The following GHR variants were observed in gnomAD, a reference collection of about 807,000 sequenced individuals.
GHR encodes the protein growth hormone receptor.
In GHR, 35 loss-of-function variants were observed where a neutral mutation model predicts 67.1. That is an observed-to-expected ratio of 0.52 (90% confidence interval 0.40 to 0.69). The LOEUF is 0.69. Among genes scored for constraint, GHR ranks in the 30% least tolerant of loss-of-function variants. GHR has a pLI of 0.00. For missense variants in GHR, 792 were observed against 764.6 expected (o/e 1.04, Z -0.42); for synonymous variants, 272 against 269.1 (o/e 1.01, Z -0.10).
intron 1 of GHR, among the ~76,000 whole-genome samples, chr5:42,438,599 A>G (rs1427843760): frequency 6.6e-6 from 1 of 152,164 alleles, no homozygotes; most frequent in African/African-American, 2.4e-5. Flanking sequence ...TGCTCTGTGG[A>G]AAGGCTAACA....
At chr5:42,616,047 A>G (rs1012440239) in intron 2 of GHR, among the ~76,000 whole-genome samples, 5 of 152,104 alleles carry the variant, frequency 3.3e-5, no homozygotes, top group African/African-American at 1.2e-4. Flanking sequence ...GAAATATCAT[A>G]CTAATGATTT....
chr5:42,514,140 A>G, intron 1 of GHR: 3 of 985,044 alleles, frequency 3.0e-6, no homozygotes, highest in Non-Finnish European at 3.6e-6. Flanking sequence ...AAAATAAAAC[A>G]TTTGCTGAAT....
chr5:42,512,814 T>TTC (rs35148875), intron 1 of GHR, among the ~76,000 whole-genome samples: 63 of 150,524 alleles, frequency 4.2e-4, no homozygotes, highest in South Asian at 2.3e-3. Flanking sequence ...TTTTTTTTTT[T>TTC]AACTAGAATT....
rs191494342 is a variant in GHR at position 42,531,787 on chromosome 5, G to T, written c.-11-34077G>T. ...GGCCCAATGAAACAACCCATTCATT[G>T]CTATTTGTTGCAATTCATGGTGACT... On this transcript the variant is annotated intron_variant, in intron 1 of 9. Coordinates refer to ENST00000230882, the MANE Select transcript of GHR (RefSeq NM_000163.5). Among the ~76,000 whole-genome samples the T allele has an allele frequency of 1.2e-3, 179 of 152,168 alleles. 1 individual carries two copies. The highest frequency in any genetic ancestry group is 4.1e-3 in the African/African-American group (169 of 41,526).
intron 3 of GHR, among the ~76,000 whole-genome samples, chr5:42,643,328 G>A (rs976966358): frequency 1.3e-5 from 2 of 152,168 alleles, no homozygotes; most frequent in South Asian, 4.1e-4. Flanking sequence ...ATGTCCAAGA[G>A]AAAGAAAAGA....
chr5:42,657,258 A>T lies in GHR; in HGVS notation c.136+28155A>T, dbSNP rs183799929. On this transcript the variant is annotated intron_variant, in intron 3 of 9. Coordinates refer to ENST00000230882, the MANE Select transcript of GHR (RefSeq NM_000163.5). Reference sequence around the variant, plus strand: ...CATGGGCAATTTATTTCTCTCTTGGAGGCATCATTTTCTTCATATCTAAAA... The same window carrying T: ...CATGGGCAATTTATTTCTCTCTTGGTGGCATCATTTTCTTCATATCTAAAA... Among the ~76,000 whole-genome samples the T allele has an allele frequency of 4.3e-4, 65 of 152,246 alleles. 1 individual carries two copies. Among genetic ancestry groups the T allele is most frequent in the African/African-American group, 1.5e-3 (62 of 41,574 alleles).
Position 42,607,120 on chromosome 5 carries a change from A to G in GHR, c.71-21918A>G, listed in dbSNP as rs534915009. Among the ~76,000 whole-genome samples the G allele has an allele frequency of 5.9e-5, 9 of 152,194 alleles. No homozygotes were observed. The South Asian group carries it at 1.9e-3, about 32-fold the overall frequency. ...CTCACTTTCCCTCTCTCCTGCCACC[A>G]TGTAAGATTTGCCTTGCTTCCCCTT... On this transcript the variant is annotated intron_variant, in intron 2 of 9. Coordinates refer to ENST00000230882, the MANE Select transcript of GHR (RefSeq NM_000163.5).
intron 1 of GHR, among the ~76,000 whole-genome samples, chr5:42,437,851 G>A (rs1249857832): frequency 2.7e-5 from 4 of 150,224 alleles, no homozygotes; most frequent in South Asian, 2.1e-4. Context: ...GCACCGTGCC[G>A]AGCCATCCTG....
At position 42,719,210 on chromosome 5, in the gene GHR, C is replaced by T. The variant is rs201228420; in HGVS notation, c.1703C>T (p.Thr568Ile). The T allele has an allele frequency of 2.5e-5, 41 of 1,614,054 alleles. No homozygotes were observed. In the African/African-American group the frequency reaches 5.1e-4, roughly 20 times the overall value. The change falls in exon 10 of 10, where the codon ACC (threonine) becomes ATC (isoleucine). Residue 568 changes from threonine to isoleucine, a missense_variant. Transcript: ENST00000230882. Reference sequence around the variant, plus strand: ...TTAAACCAAGAGGACATTTACATCACCACAGAAAGCCTTACCACTGCTGCT... The same window carrying T: ...TTAAACCAAGAGGACATTTACATCATCACAGAAAGCCTTACCACTGCTGCT... ...PSLNQEDIYI[T>I]TESLTTAAGR...
At chr5:42,609,239 G>A (rs912146907) in intron 2 of GHR, among the ~76,000 whole-genome samples, 2 of 152,164 alleles carry the variant, frequency 1.3e-5, no homozygotes, top group Non-Finnish European at 2.9e-5. Context: ...GTGCCATCAT[G>A]GGAAACCAGT....
intron 1 of GHR, among the ~76,000 whole-genome samples, chr5:42,498,384 T>C (rs116236932): frequency 7.7e-4 from 118 of 152,326 alleles, no homozygotes; most frequent in African/African-American, 2.7e-3. Flanking sequence ...GTTGACTGGA[T>C]TGACTACTTT....
intron 2 of GHR, among the ~76,000 whole-genome samples, chr5:42,598,211 G>A (rs531099709): frequency 5.9e-5 from 9 of 152,100 alleles, no homozygotes; most frequent in Non-Finnish European, 1.0e-4. Context: ...TGACTTCTTG[G>A]GTACCTAGAT....
chr5:42,571,033 G>C (rs1750276003), intron 2 of GHR, among the ~76,000 whole-genome samples: 1 of 152,080 alleles, frequency 6.6e-6, no homozygotes, highest in African/African-American at 2.4e-5. Flanking sequence ...TTTTTGACTC[G>C]GGGAACTATC....
chr5:42,563,624 C>CAAAAAAAAAAAAAA (rs1168788232), intron 1 of GHR, among the ~76,000 whole-genome samples: 4 of 45,090 alleles, frequency 8.9e-5, no homozygotes, highest in African/African-American at 1.7e-4. Context: ...GACTCCGTCT[C>CAAAAAAAAAAAAAA]AAAAAAAAAA....
At chr5:42,696,262 G>T (rs916297546) in intron 5 of GHR, among the ~76,000 whole-genome samples, 1 of 152,240 alleles carries the variant, frequency 6.6e-6, no homozygotes, top group Non-Finnish European at 1.5e-5. Flanking sequence ...TACAGTCAAA[G>T]AGGGAAGTCA....
At chr5:42,585,143 T>C (rs769849780) in intron 2 of GHR, among the ~76,000 whole-genome samples, 2 of 152,222 alleles carry the variant, frequency 1.3e-5, no homozygotes, top group Non-Finnish European at 2.9e-5. Flanking sequence ...AGCCCCTGAA[T>C]AGTCAGATAA....
intron 3 of GHR, among the ~76,000 whole-genome samples, chr5:42,654,702 G>C (rs72754961): frequency 0.043 from 6,491 of 152,222 alleles, 191 homozygotes; most frequent in Middle Eastern, 0.085. Context: ...GTTTGACTCA[G>C]TAGCCTGAGG....
At chr5:42,577,223 A>G (rs1045332931) in intron 2 of GHR, among the ~76,000 whole-genome samples, 1 of 152,208 alleles carries the variant, frequency 6.6e-6, no homozygotes, top group Non-Finnish European at 1.5e-5. Flanking sequence ...TTTCCACATG[A>G]GATTATATTT....
At chr5:42,671,939 G>C (rs1351233129) in intron 3 of GHR, among the ~76,000 whole-genome samples, 1 of 126,486 alleles carries the variant, frequency 7.9e-6, no homozygotes, top group African/African-American at 2.9e-5. Context: ...CTGGGCGACA[G>C]AGCAAGACTC....
Sources: allele counts gnomAD v4.1 joint callset (sites outside exome capture counted in the v4.1 genomes callset), GRCh38; gene constraint gnomAD v4.1.1; transcripts MANE v1.5; gene names NCBI Gene and HGNC (gene_info 2026-07-23, HGNC 2026-07-21).